Variants in CNTNAP2 observed in about 807,000 individuals in gnomAD.
CNTNAP2 encodes contactin-associated protein-like 2.
A neutral mutation model predicts 155.2 loss-of-function variants in CNTNAP2; 98 were observed. The ratio of observed to expected loss-of-function variants is 0.63; its 90% CI spans 0.54 to 0.75. The LOEUF (loss-of-function observed/expected upper bound fraction) is 0.75. CNTNAP2 is among the 30% of genes least tolerant of loss of function. The probability of loss-of-function intolerance (pLI) is 0.00; values close to 1 mark genes in which losing one functional copy is unlikely to be tolerated. For synonymous variants in CNTNAP2, 651 were observed against 631.2 expected (o/e 1.03, Z -0.47); for missense variants, 1,727 against 1,688.1 (o/e 1.02, Z -0.40).
intron 3 of CNTNAP2, among the ~76,000 whole-genome samples, chr7:146,844,421 C>CA (rs1275410381): frequency 2.6e-5 from 4 of 151,870 alleles, no homozygotes; most frequent in South Asian, 4.1e-4. Flanking sequence ...TAAAATTGCC[C>CA]AAAAAATCAT....
At chr7:147,137,909 A>ATAGG (rs1225695220) in intron 8 of CNTNAP2, among the ~76,000 whole-genome samples, 1 of 140,944 alleles carries the variant, frequency 7.1e-6, no homozygotes, top group Non-Finnish European at 1.6e-5. Context: ...AGATAGATAG[A>ATAGG]TAGATAGGTA....
At chr7:147,077,648 T>C (rs150880972) in intron 4 of CNTNAP2, among the ~76,000 whole-genome samples, 2 of 152,286 alleles carry the variant, frequency 1.3e-5, no homozygotes, top group East Asian at 3.9e-4. Flanking sequence ...GTGGAGTGGT[T>C]GAGTACAAAA....
intron 13 of CNTNAP2, among the ~76,000 whole-genome samples, chr7:147,666,200 C>T (rs1795693284): frequency 6.6e-6 from 1 of 152,166 alleles, no homozygotes; most frequent in African/African-American, 2.4e-5. Flanking sequence ...AGACTAATAA[C>T]ATTTCCAGCG....
intron 15 of CNTNAP2, among the ~76,000 whole-genome samples, chr7:148,020,320 CA>C (rs1465138444): frequency 7.9e-5 from 12 of 152,254 alleles, no homozygotes; most frequent in African/African-American, 2.9e-4. Context: ...CAAAGAAAAA[CA>C]AGGGTAATTC....
chr7:146,856,541 G>A (rs1380982454), intron 3 of CNTNAP2, among the ~76,000 whole-genome samples: 1 of 152,114 alleles, frequency 6.6e-6, no homozygotes, highest in Non-Finnish European at 1.5e-5. Flanking sequence ...AGTTTTGATG[G>A]GGAGAAGTAA....
At chr7:148,131,276 TTTAG>T in intron 16 of CNTNAP2, among the ~76,000 whole-genome samples, 1 of 152,022 alleles carries the variant, frequency 6.6e-6, no homozygotes, top group Non-Finnish European at 1.5e-5. Flanking sequence ...TTTTTGTATT[TTTAG>T]TAGAGACAGG....
At chr7:147,392,349 T>C (rs1364829008) in intron 9 of CNTNAP2, among the ~76,000 whole-genome samples, 1 of 151,950 alleles carries the variant, frequency 6.6e-6, no homozygotes, top group African/African-American at 2.4e-5. Context: ...TTATTCTATT[T>C]TATTTTATTT....
At chr7:146,395,305 C>T (rs1795603646) in intron 1 of CNTNAP2, among the ~76,000 whole-genome samples, 2 of 152,090 alleles carry the variant, frequency 1.3e-5, no homozygotes, top group African/African-American at 4.8e-5. Context: ...GGGATTCAAA[C>T]CCAGGGAGTC....
At chr7:147,462,053 C>T (rs1798035000) in intron 10 of CNTNAP2, among the ~76,000 whole-genome samples, 1 of 152,060 alleles carries the variant, frequency 6.6e-6, no homozygotes, top group East Asian at 1.9e-4. Flanking sequence ...TGCTAAAAGC[C>T]TTTATACCTA....
At chr7:147,595,768 C>T (rs985316093) in intron 12 of CNTNAP2, among the ~76,000 whole-genome samples, 2 of 152,150 alleles carry the variant, frequency 1.3e-5, no homozygotes, top group Non-Finnish European at 2.9e-5. Context: ...CCTCAGAAAT[C>T]GTAGTTGCTG....
intron 22 of CNTNAP2, among the ~76,000 whole-genome samples, chr7:148,396,810 G>A (rs1028826323): frequency 2.6e-5 from 4 of 152,152 alleles, no homozygotes; most frequent in Non-Finnish European, 5.9e-5. Context: ...TGAGAGCAAC[G>A]CTGAAAGACT....
chr7:146,987,558 C>T (rs971923343), intron 3 of CNTNAP2, among the ~76,000 whole-genome samples: 15 of 152,064 alleles, frequency 9.9e-5, no homozygotes, highest in African/African-American at 3.4e-4. Context: ...GTTTGCAAAA[C>T]TTCAAATTAG....
At chr7:147,769,673 T>G (rs75527691) in intron 13 of CNTNAP2, among the ~76,000 whole-genome samples, 2,030 of 152,246 alleles carry the variant, frequency 0.013, 104 homozygotes, top group Admixed American at 0.09. Context: ...AGTATATTTT[T>G]CTCCACAAGA....
intron 1 of CNTNAP2, among the ~76,000 whole-genome samples, chr7:146,728,647 A>C (rs1369578387): frequency 6.6e-6 from 1 of 151,282 alleles, no homozygotes; most frequent in Non-Finnish European, 1.5e-5. Flanking sequence ...CCTTTGTCCT[A>C]ATTCCATTAC....
At chr7:146,421,368 G>A (rs1796009876) in intron 1 of CNTNAP2, among the ~76,000 whole-genome samples, 1 of 151,820 alleles carries the variant, frequency 6.6e-6, no homozygotes, top group Non-Finnish European at 1.5e-5. Context: ...AAATGTCCCT[G>A]GCTCTTGCTT....
Position 148,128,107 on chromosome 7 carries a change from G to A in CNTNAP2, c.2554+9819G>A, listed in dbSNP as rs373128017. On this transcript the variant is annotated intron_variant, in intron 16 of 23. Coordinates refer to ENST00000361727, the MANE Select transcript of CNTNAP2 (RefSeq NM_014141.6). ...CTGATCTTGAAACCTGGACTCAAGC[G>A]ATCCACCCGCCTCAGCCTCCCAAAA... 7.2e-5 allele frequency among the ~76,000 whole-genome samples: 11 copies of A among 152,064 alleles called. No homozygotes were observed. The South Asian group carries it at 1.0e-3, about 14-fold the overall frequency.
At chr7:146,342,203 T>G (rs550908176) in intron 1 of CNTNAP2, among the ~76,000 whole-genome samples, 1 of 152,230 alleles carries the variant, frequency 6.6e-6, no homozygotes, top group East Asian at 1.9e-4. Context: ...TCAGAGATGA[T>G]AGTGGAGTAC....
Position 148,182,428 on chromosome 7 carries a change from A to G in CNTNAP2, c.3010+9950A>G, listed in dbSNP as rs7782701. Among the ~76,000 whole-genome samples the G allele has an allele frequency of 6.5e-3, 965 of 149,012 alleles. 6 individuals are homozygous for G. The highest frequency in any genetic ancestry group is 0.022 in the African/African-American group (907 of 41,066). Reference sequence around the variant, plus strand: ...TCCATCACGTCTATGGGCCATGAAGACCTGCCTCTGACATGCAATTTCTTC... The same window carrying G: ...TCCATCACGTCTATGGGCCATGAAGGCCTGCCTCTGACATGCAATTTCTTC... On this transcript the variant is annotated intron_variant, in intron 18 of 23. Coordinates refer to ENST00000361727, the MANE Select transcript of CNTNAP2 (RefSeq NM_014141.6).
In CNTNAP2 at chr7:148,408,014, G is replaced by A. The variant is rs187975448; in HGVS notation, c.3716-1377G>A. ...AATTGCAGCATTTTGGGAGGCCAGG[G>A]TGAGTGGATAACTTGAGATCAGGAG... On this transcript the variant is annotated intron_variant, in intron 22 of 23. Transcript: ENST00000361727. 5.3e-3 allele frequency among the ~76,000 whole-genome samples: 803 copies of A among 152,306 alleles called. 7 individuals are homozygous for A. The highest frequency in any genetic ancestry group is 0.018 in the African/African-American group (736 of 41,564).
Sources: allele counts gnomAD v4.1 joint callset (sites outside exome capture counted in the v4.1 genomes callset), GRCh38; gene constraint gnomAD v4.1.1; transcripts MANE v1.5; gene names NCBI Gene and HGNC (gene_info 2026-07-23, HGNC 2026-07-21).